The following SGCD variants were observed in gnomAD, a reference collection of about 807,000 sequenced individuals.
SGCD encodes sarcoglycan delta.
Under a neutral mutation model 36.6 loss-of-function variants are expected in SGCD, and 18 were observed. The observed-to-expected ratio is 0.49, with a 90% CI of 0.34 to 0.73. The LOEUF (loss-of-function observed/expected upper bound fraction) is 0.73. Ranked by LOEUF, SGCD falls within the 30% of genes least tolerant of loss-of-function variation. SGCD has a pLI of 0.01. For missense variants in SGCD, 387 were observed against 346.7 expected, an observed-to-expected ratio of 1.12 and a Z score of -0.92; for synonymous variants, 133 against 130.6, an observed-to-expected ratio of 1.02 and a Z score of -0.12.
At chr5:155,892,562 C>A (rs963486334) in intron 1 of SGCD, among the ~76,000 whole-genome samples, 5 of 151,124 alleles carry the variant, frequency 3.3e-5, no homozygotes, top group Non-Finnish European at 5.9e-5. Flanking sequence ...CAGCTCCAGC[C>A]ATTTGTTGCA....
Position 155,877,355 on chromosome 5 carries a change from A to T in SGCD, c.-282+6931A>T, listed in dbSNP as rs1755788905. Among the ~76,000 whole-genome samples, 4 of 152,138 alleles carry T rather than the reference A, an allele frequency of 2.6e-5. No homozygotes were observed. The South Asian group carries it at 8.3e-4, about 31-fold the overall frequency. On this transcript the variant is annotated intron_variant, in intron 1 of 9. Transcript: ENST00000517913. ...AAATGAGTGTGAAGAATACTTGTCT[A>T]GCAATAGGATTTGGATGTTAGTTTG... is the stretch of plus-strand genomic sequence containing the variant.
chr5:156,071,008 T>G (rs546971317), intron 1 of SGCD, among the ~76,000 whole-genome samples: 1 of 152,318 alleles, frequency 6.6e-6, no homozygotes, highest in African/African-American at 2.4e-5. Flanking sequence ...TGCATCTATT[T>G]GATTCTTCTC....
At chr5:156,648,057 T>C (rs1303686626) in intron 7 of SGCD, among the ~76,000 whole-genome samples, 1 of 152,100 alleles carries the variant, frequency 6.6e-6, no homozygotes, top group African/African-American at 2.4e-5. Flanking sequence ...TGCTATGTAC[T>C]CACCACCAGC....
At chr5:156,087,159 A>G (rs998344919) in intron 1 of SGCD, among the ~76,000 whole-genome samples, 1 of 152,220 alleles carries the variant, frequency 6.6e-6, no homozygotes, top group Non-Finnish European at 1.5e-5. Context: ...TTTTTCCACC[A>G]GGATGGTCCT....
chr5:156,506,639 G>A (rs2127872254), intron 3 of SGCD, among the ~76,000 whole-genome samples: 1 of 152,250 alleles, frequency 6.6e-6, no homozygotes, highest in South Asian at 2.1e-4. Context: ...AAAAACCCTT[G>A]ACTGAAGTAG....
intron 1 of SGCD, among the ~76,000 whole-genome samples, chr5:155,955,035 G>T (rs117163567): frequency 6.6e-6 from 1 of 152,274 alleles, no homozygotes; most frequent in African/African-American, 2.4e-5. Flanking sequence ...GGAAGGAGGC[G>T]TTCCATCCTA....
chr5:156,375,822 C>T (rs549582072), intron 3 of SGCD, among the ~76,000 whole-genome samples: 1 of 152,252 alleles, frequency 6.6e-6, no homozygotes, highest in Admixed American at 6.5e-5. Context: ...AAGCCCTCAT[C>T]TACCTATACA....
intron 7 of SGCD, among the ~76,000 whole-genome samples, chr5:156,651,708 T>C (rs1202096633): frequency 6.6e-6 from 1 of 152,156 alleles, no homozygotes; most frequent in Non-Finnish European, 1.5e-5. Flanking sequence ...AGCCTTAAAG[T>C]ACACTTTGAA....
chr5:156,377,006 T>C (rs1163961107), intron 3 of SGCD, among the ~76,000 whole-genome samples: 1 of 152,078 alleles, frequency 6.6e-6, no homozygotes, highest in Non-Finnish European at 1.5e-5. Flanking sequence ...AAAGCATGCC[T>C]CTTCAACAGT....
chr5:156,286,697 T>C (rs890445887), intron 3 of SGCD, among the ~76,000 whole-genome samples: 3 of 151,990 alleles, frequency 2.0e-5, no homozygotes, highest in Admixed American at 6.6e-5. Flanking sequence ...TGGGGAGGGA[T>C]AGCATTTGGA....
At chr5:156,671,354 C>A (rs903804301) in intron 7 of SGCD, among the ~76,000 whole-genome samples, 1 of 150,522 alleles carries the variant, frequency 6.6e-6, no homozygotes, top group Non-Finnish European at 1.5e-5. Flanking sequence ...CTCACTGCAA[C>A]CTCTGCCTCC....
chr5:155,983,819 C>A (rs1344449198), intron 1 of SGCD, among the ~76,000 whole-genome samples: 1 of 152,104 alleles, frequency 6.6e-6, no homozygotes, highest in African/African-American at 2.4e-5. Context: ...ATTAGTAATC[C>A]CTATGATTGT....
chr5:156,233,898 TG>T (rs1765086944), intron 3 of SGCD, among the ~76,000 whole-genome samples: 1 of 152,126 alleles, frequency 6.6e-6, no homozygotes, highest in Non-Finnish European at 1.5e-5. Context: ...TTTGTTTGTT[TG>T]TTTTTGTTTT....
At chr5:156,103,481 A>G (rs961241594) in intron 1 of SGCD, among the ~76,000 whole-genome samples, 10 of 152,158 alleles carry the variant, frequency 6.6e-5, no homozygotes, top group Non-Finnish European at 1.5e-4. Flanking sequence ...AAAAAATTAA[A>G]TGTTTCCATT....
intron 1 of SGCD, among the ~76,000 whole-genome samples, chr5:156,103,516 T>C: frequency 6.6e-6 from 1 of 152,204 alleles, no homozygotes; most frequent in South Asian, 2.1e-4. Flanking sequence ...GATATAAAAA[T>C]GTACATGATC....
At chr5:156,022,839 C>G (rs1299831892) in intron 1 of SGCD, among the ~76,000 whole-genome samples, 3 of 151,956 alleles carry the variant, frequency 2.0e-5, no homozygotes, top group African/African-American at 2.4e-5. Context: ...ACTTTTCTTT[C>G]ATTGTTATAT....
chr5:156,110,418 C>T (rs903377072), intron 1 of SGCD, among the ~76,000 whole-genome samples: 4 of 151,954 alleles, frequency 2.6e-5, no homozygotes, highest in Non-Finnish European at 4.4e-5. Context: ...GTATTGGGTT[C>T]GGAGTCCATA....
At chr5:156,170,818 T>C (rs1763326746) in intron 3 of SGCD, among the ~76,000 whole-genome samples, 1 of 152,222 alleles carries the variant, frequency 6.6e-6, no homozygotes, top group South Asian at 2.1e-4. Context: ...CGTCTCCCCA[T>C]AAATCCCCAT....
At chr5:156,243,676 T>G (rs1320343593) in intron 3 of SGCD, among the ~76,000 whole-genome samples, 2 of 152,172 alleles carry the variant, frequency 1.3e-5, no homozygotes, top group Non-Finnish European at 2.9e-5. Flanking sequence ...CTGTCTTTGC[T>G]GAAAGAACTA....
Sources: allele counts gnomAD v4.1 joint callset (sites outside exome capture counted in the v4.1 genomes callset), GRCh38; gene constraint gnomAD v4.1.1; transcripts MANE v1.5; gene names NCBI Gene and HGNC (gene_info 2026-07-23, HGNC 2026-07-21).